Variants in NCOA1 observed in about 807,000 individuals in gnomAD.
NCOA1 encodes Hin-2 protein.
In NCOA1, 35 loss-of-function variants were observed where a neutral mutation model predicts 150.9. The ratio of observed to expected loss-of-function variants is 0.23; its 90% CI spans 0.18 to 0.31. The LOEUF is 0.31. NCOA1 is among the 10% of genes least tolerant of loss of function. The pLI, the probability that NCOA1 is intolerant of heterozygous loss-of-function variation, is 1.00. For missense variants in NCOA1, 1,491 were observed against 1,749.3 expected (o/e 0.85, Z 2.63); for synonymous variants, 590 against 630.0 (o/e 0.94, Z 0.95).
chr2:24,581,461 G>GT, intron 2 of NCOA1, among the ~76,000 whole-genome samples: 1 of 152,282 alleles, frequency 6.6e-6, no homozygotes, highest in East Asian at 1.9e-4. Flanking sequence ...GCACAGAGTT[G>GT]TTTTTTACTT....
chr2:24,619,132 C>G (rs928704315), intron 3 of NCOA1, among the ~76,000 whole-genome samples: 3 of 152,064 alleles, frequency 2.0e-5, no homozygotes, highest in Admixed American at 6.6e-5. Flanking sequence ...TTTCTTTCAC[C>G]TTGTTAGTTG....
At chr2:24,512,511 T>G (rs929694311) in intron 1 of NCOA1, among the ~76,000 whole-genome samples, 1 of 152,222 alleles carries the variant, frequency 6.6e-6, no homozygotes, top group Non-Finnish European at 1.5e-5. Context: ...AGTTTATTCT[T>G]TTTTTCAGTT....
chr2:24,583,468 A>G (rs1316362814), intron 2 of NCOA1, among the ~76,000 whole-genome samples: 1 of 152,182 alleles, frequency 6.6e-6, no homozygotes, highest in African/African-American at 2.4e-5. Context: ...TAGAACCACC[A>G]TTATGCAAAC....
chr2:24,745,873 G>A (rs564688107), intron 19 of NCOA1, among the ~76,000 whole-genome samples: 82 of 152,226 alleles, frequency 5.4e-4, no homozygotes, highest in Non-Finnish European at 8.4e-4. Context: ...TTTACTTCCA[G>A]GGGCTTTGAA....
intron 3 of NCOA1, among the ~76,000 whole-genome samples, chr2:24,631,114 C>T (rs1669690584): frequency 6.6e-6 from 1 of 152,098 alleles, no homozygotes; most frequent in Admixed American, 6.5e-5. Flanking sequence ...CTTAAAACCA[C>T]CTTTTTCAGG....
chr2:24,754,651 C>G (rs1664414106), intron 20 of NCOA1, among the ~76,000 whole-genome samples: 1 of 152,184 alleles, frequency 6.6e-6, no homozygotes, highest in Admixed American at 6.5e-5. Flanking sequence ...CGCCTCCTTT[C>G]CATTCTTTAC....
intron 1 of NCOA1, among the ~76,000 whole-genome samples, chr2:24,555,596 C>T (rs1666038733): frequency 6.6e-6 from 1 of 152,200 alleles, no homozygotes; most frequent in Non-Finnish European, 1.5e-5. Context: ...TTTCTCTTTA[C>T]AGTCCTATCA....
chr2:24,611,801 G>A (rs936251833), intron 3 of NCOA1, among the ~76,000 whole-genome samples: 4 of 151,942 alleles, frequency 2.6e-5, no homozygotes, highest in Non-Finnish European at 4.4e-5. Context: ...CTTTGAGCCC[G>A]TGGGTATTGT....
chr2:24,632,065 G>A (rs186071085), intron 3 of NCOA1, among the ~76,000 whole-genome samples: 1 of 147,218 alleles, frequency 6.8e-6, no homozygotes, highest in Non-Finnish European at 1.5e-5. Context: ...TGAGCACTTA[G>A]TATTGTTCAC....
At chr2:24,720,331 T>C (rs1280029750) in intron 14 of NCOA1, among the ~76,000 whole-genome samples, 2 of 152,260 alleles carry the variant, frequency 1.3e-5, no homozygotes, top group African/African-American at 4.8e-5. Flanking sequence ...TGTGTGTGTG[T>C]TAACTTGATA....
At chr2:24,530,197 C>T (rs1490856312) in intron 1 of NCOA1, among the ~76,000 whole-genome samples, 1 of 152,040 alleles carries the variant, frequency 6.6e-6, no homozygotes, top group Non-Finnish European at 1.5e-5. Context: ...ATATTCAATA[C>T]AGTGTGGATT....
intron 1 of NCOA1, among the ~76,000 whole-genome samples, chr2:24,527,103 A>G (rs1467734472): frequency 6.6e-6 from 1 of 152,188 alleles, no homozygotes; most frequent in Non-Finnish European, 1.5e-5. Flanking sequence ...ATATAGTAAA[A>G]TAGTTACTAT....
intron 1 of NCOA1, among the ~76,000 whole-genome samples, chr2:24,551,067 C>A (rs774984634): frequency 6.6e-6 from 1 of 151,004 alleles, no homozygotes; most frequent in Non-Finnish European, 1.5e-5. Flanking sequence ...TGCACTCCAG[C>A]CTGGGTGACA....
At chr2:24,533,602 T>C (rs965928483) in intron 1 of NCOA1, among the ~76,000 whole-genome samples, 1 of 152,216 alleles carries the variant, frequency 6.6e-6, no homozygotes, top group African/African-American at 2.4e-5. Context: ...ATAGCTCTTA[T>C]TATTTTGAGA....
chr2:24,706,558 T>C lies in NCOA1; in HGVS notation c.1098-10T>C, dbSNP rs376233686. ...AAGATGTTTGAATAATAATGTCTTT[T>C]TCCCCCTAGGGAGCACAGTGGGCTT... On this transcript the variant is annotated splice_polypyrimidine_tract_variant and intron_variant, in intron 12 of 22. Transcript: ENST00000348332. 9 of 1,571,578 alleles carry C rather than the reference T, an allele frequency of 5.7e-6. No individual in the cohort carries two copies. The highest frequency in any genetic ancestry group is 1.7e-4 in the Middle Eastern group (1 of 5,868).
chr2:24,620,731 CATGTATAAAA>C (rs1669107758), intron 3 of NCOA1, among the ~76,000 whole-genome samples: 1 of 152,032 alleles, frequency 6.6e-6, no homozygotes, highest in Non-Finnish European at 1.5e-5. Flanking sequence ...CACTGGCTCA[CATGTATAAAA>C]ATTTGATTTT....
chr2:24,535,994 C>A (rs1263720312), intron 1 of NCOA1, among the ~76,000 whole-genome samples: 3 of 152,120 alleles, frequency 2.0e-5, no homozygotes, highest in Non-Finnish European at 4.4e-5. Flanking sequence ...TGAATGTTGG[C>A]CTGCCTTGCT....
intron 1 of NCOA1, among the ~76,000 whole-genome samples, chr2:24,559,798 C>G (rs749942800): frequency 2.0e-5 from 3 of 152,098 alleles, no homozygotes; most frequent in Admixed American, 6.5e-5. Context: ...TCTTTTGCCT[C>G]TACCCCTCTC....
intron 19 of NCOA1, among the ~76,000 whole-genome samples, chr2:24,748,272 T>TA (rs1447893376): frequency 6.6e-6 from 1 of 152,142 alleles, no homozygotes. Context: ...CTGTGAAGTC[T>TA]AAAGTTAGGT....
Sources: gnomAD v4.1 joint callset for allele counts (sites outside exome capture counted in the v4.1 genomes callset) on GRCh38, gnomAD v4.1.1 for gene constraint, MANE v1.5 for transcripts, NCBI Gene and HGNC (gene_info 2026-07-23, HGNC 2026-07-21) for gene names.